The following FMN2 variants were observed in gnomAD, a reference collection of about 807,000 sequenced individuals.
FMN2 encodes formin-2.
In FMN2, 51 loss-of-function variants were observed where a neutral mutation model predicts 142.3. The ratio of observed to expected loss-of-function variants is 0.36; its 90% CI spans 0.29 to 0.45. FMN2 has a LOEUF of 0.45. Ranked by LOEUF, FMN2 falls within the 20% of genes least tolerant of loss-of-function variation. FMN2 has a pLI of 1.00. For synonymous variants in FMN2, 882 were observed against 869.8 expected, an observed-to-expected ratio of 1.01 and a Z score of -0.25; for missense variants, 1,936 against 2,122.8, an observed-to-expected ratio of 0.91 and a Z score of 1.73.
At chr1:240,265,467 A>G (rs1038807538) in intron 7 of FMN2, among the ~76,000 whole-genome samples, 1 of 152,178 alleles carries the variant, frequency 6.6e-6, no homozygotes, top group Admixed American at 6.6e-5. Flanking sequence ...TTTGTAGTGT[A>G]TCACATTACT....
intron 6 of FMN2, among the ~76,000 whole-genome samples, chr1:240,211,526 A>C (rs973030171): frequency 6.6e-6 from 1 of 152,252 alleles, no homozygotes; most frequent in African/African-American, 2.4e-5. Context: ...CCTAGAAATA[A>C]ATTTTCATTT....
chr1:240,411,152 A>C (rs1321515715), intron 15 of FMN2, among the ~76,000 whole-genome samples: 1 of 152,190 alleles, frequency 6.6e-6, no homozygotes, highest in Non-Finnish European at 1.5e-5. Context: ...AAGTTCTCAA[A>C]ACACTTCCCT....
chr1:240,454,357 C>T (rs536573604), intron 16 of FMN2, among the ~76,000 whole-genome samples: 1 of 151,904 alleles, frequency 6.6e-6, no homozygotes, highest in African/African-American at 2.4e-5. Flanking sequence ...GCCTGGCCAA[C>T]ATGGCAAAAC....
chr1:240,437,362 C>T lies in FMN2; in HGVS notation c.4911-699C>T, dbSNP rs148241124. ...CGGCTGGAGTGCAGTGGTGCAATCT[C>T]GGCTCACTGCAAGCTGTGCCTCCTG... On this transcript the variant is annotated intron_variant, in intron 15 of 17. Transcript: ENST00000319653. 6.6e-3 allele frequency among the ~76,000 whole-genome samples: 949 copies of T among 144,824 alleles called. 10 individuals are homozygous for T. The highest frequency in any genetic ancestry group is 0.024 in the African/African-American group (917 of 38,162).
intron 1 of FMN2, among the ~76,000 whole-genome samples, chr1:240,115,598 T>A (rs1661989590): frequency 6.6e-6 from 1 of 152,170 alleles, no homozygotes. Context: ...GGAACAAAAC[T>A]GGTAAACCTG....
At chr1:240,452,398 A>G (rs1676091232) in intron 16 of FMN2, among the ~76,000 whole-genome samples, 1 of 152,168 alleles carries the variant, frequency 6.6e-6, no homozygotes, top group Non-Finnish European at 1.5e-5. Context: ...AGGAAAAAGG[A>G]CAGAGGTAAA....
At chr1:240,383,270 AGTTAAAT>A (rs1170083485) in intron 14 of FMN2, among the ~76,000 whole-genome samples, 1 of 152,224 alleles carries the variant, frequency 6.6e-6, no homozygotes, top group Non-Finnish European at 1.5e-5. Flanking sequence ...AATGGGACTT[AGTTAAAT>A]GAAAACGCTT....
intron 6 of FMN2, among the ~76,000 whole-genome samples, chr1:240,252,156 G>A (rs1668298483): frequency 6.6e-6 from 1 of 152,114 alleles, no homozygotes; most frequent in Non-Finnish European, 1.5e-5. Flanking sequence ...TGATCCACCT[G>A]CCTCACCCTC....
At chr1:240,369,056 C>A (rs920474864) in intron 14 of FMN2, among the ~76,000 whole-genome samples, 2 of 151,974 alleles carry the variant, frequency 1.3e-5, no homozygotes, top group Non-Finnish European at 2.9e-5. Context: ...CGCACGCACC[C>A]TGTGTACTGC....
chr1:240,286,545 C>G (rs946338774), intron 7 of FMN2, among the ~76,000 whole-genome samples: 1 of 152,152 alleles, frequency 6.6e-6, no homozygotes, highest in South Asian at 2.1e-4. Flanking sequence ...ATTTTAAGGT[C>G]TACGAAACTG....
intron 3 of FMN2, among the ~76,000 whole-genome samples, chr1:240,179,123 T>G (rs1007174868): frequency 2.0e-5 from 3 of 152,202 alleles, no homozygotes; most frequent in African/African-American, 7.2e-5. Flanking sequence ...AGGGCTGTTA[T>G]GAGAATTATA....
chr1:240,402,084 T>A (rs1016544603), intron 15 of FMN2, among the ~76,000 whole-genome samples: 7 of 152,252 alleles, frequency 4.6e-5, no homozygotes, highest in Non-Finnish European at 8.8e-5. Flanking sequence ...ACACACATTA[T>A]CAGCTTGCTT....
chr1:240,291,535 A>G (rs920225351), intron 7 of FMN2, among the ~76,000 whole-genome samples: 1 of 152,204 alleles, frequency 6.6e-6, no homozygotes, highest in African/African-American at 2.4e-5. Flanking sequence ...AATCTGAACT[A>G]AACATTTATC....
chr1:240,439,034 A>C (rs1446460053), intron 16 of FMN2, among the ~76,000 whole-genome samples: 1 of 152,108 alleles, frequency 6.6e-6, no homozygotes, highest in African/African-American at 2.4e-5. Flanking sequence ...GCACTTTGAG[A>C]GGCCAAGGCA....
chr1:240,461,179 C>T (rs182228621), intron 16 of FMN2, among the ~76,000 whole-genome samples: 8 of 152,278 alleles, frequency 5.3e-5, no homozygotes, highest in Non-Finnish European at 1.0e-4. Flanking sequence ...ATGATGAAAG[C>T]GAACGCTCTG....
chr1:240,343,506 A>G (rs1671808173), intron 13 of FMN2, among the ~76,000 whole-genome samples: 1 of 152,182 alleles, frequency 6.6e-6, no homozygotes, highest in South Asian at 2.1e-4. Context: ...AGCCGAACAT[A>G]CAGATATAAT....
chr1:240,248,066 C>A (rs1668138356), intron 6 of FMN2, among the ~76,000 whole-genome samples: 2 of 151,886 alleles, frequency 1.3e-5, no homozygotes, highest in Admixed American at 6.6e-5. Flanking sequence ...ATGCTTGTAC[C>A]CATTAATCAA....
intron 6 of FMN2, among the ~76,000 whole-genome samples, chr1:240,237,525 T>G (rs1221678130): frequency 6.6e-6 from 1 of 152,220 alleles, no homozygotes; most frequent in African/African-American, 2.4e-5. Flanking sequence ...CGAAATAGAC[T>G]AATTAAATAC....
chr1:240,169,923 C>T (rs532409546), intron 2 of FMN2, among the ~76,000 whole-genome samples: 55 of 152,182 alleles, frequency 3.6e-4, no homozygotes, highest in Non-Finnish European at 6.5e-4. Context: ...ATATAGTTAC[C>T]ATATTTTGCT....
Sources: allele counts gnomAD v4.1 joint callset (sites outside exome capture counted in the v4.1 genomes callset), GRCh38; gene constraint gnomAD v4.1.1; transcripts MANE v1.5; gene names NCBI Gene and HGNC (gene_info 2026-07-23, HGNC 2026-07-21).